Variants in SHISA6 observed in about 807,000 individuals in gnomAD.
SHISA6 encodes shisa family member 6, also known as protein shisa-6.
In SHISA6, 22 loss-of-function variants were observed where a neutral mutation model predicts 47.9. The observed-to-expected ratio is 0.46, with a 90% CI of 0.33 to 0.66. SHISA6 has a LOEUF of 0.66. Among genes scored for constraint, SHISA6 ranks in the 30% least tolerant of loss-of-function variants. The pLI is 0.02. For synonymous variants in SHISA6, 388 were observed against 337.8 expected, an observed-to-expected ratio of 1.15 and a Z score of -1.63; for missense variants, 680 against 764.6, an observed-to-expected ratio of 0.89 and a Z score of 1.30.
At chr17:11,245,396 A>G (rs997124443) in intron 1 of SHISA6, among the ~76,000 whole-genome samples, 1 of 152,018 alleles carries the variant, frequency 6.6e-6, no homozygotes, top group African/African-American at 2.4e-5. Flanking sequence ...CTATTTCCTG[A>G]CTGACTTCCG....
At chr17:11,280,269 A>C (rs1909074185) in intron 2 of SHISA6, among the ~76,000 whole-genome samples, 1 of 152,238 alleles carries the variant, frequency 6.6e-6, no homozygotes. Context: ...AAACAAATGC[A>C]ACAAATGATG....
chr17:11,271,883 C>T (rs1317045263), intron 2 of SHISA6, among the ~76,000 whole-genome samples: 6 of 152,098 alleles, frequency 3.9e-5, no homozygotes, highest in Non-Finnish European at 8.8e-5. Context: ...TCCCCTCCTG[C>T]GCCCTTCTCT....
intron 3 of SHISA6, among the ~76,000 whole-genome samples, chr17:11,541,942 A>T (rs1044494011): frequency 1.3e-5 from 2 of 152,220 alleles, no homozygotes; most frequent in Non-Finnish European, 2.9e-5. Context: ...TAAAGCAATT[A>T]TGAAGCTAGA....
intron 3 of SHISA6, among the ~76,000 whole-genome samples, chr17:11,434,204 C>T (rs1177135873): frequency 6.6e-6 from 1 of 151,904 alleles, no homozygotes; most frequent in East Asian, 1.9e-4. Flanking sequence ...GCTGGGATTA[C>T]AGATGCGTGC....
rs200004730 is a variant in SHISA6 at position 11,493,888 on chromosome 17, TCTAA to T, written c.896-58003_896-58000del. ...CACAAAGTCATTTTAAAATGAAAAC[TCTAA>T]CTAAATTCTGTTCTCCCTTCTATTT... On this transcript the variant is annotated intron_variant, in intron 3 of 5. Coordinates refer to ENST00000441885, the MANE Select transcript of SHISA6 (RefSeq NM_207386.4). 2.1e-3 allele frequency among the ~76,000 whole-genome samples: 321 copies of T among 150,488 alleles called. 1 individual carries two copies. The highest frequency in any genetic ancestry group is 6.6e-3 in the African/African-American group (272 of 41,074).
intron 2 of SHISA6, among the ~76,000 whole-genome samples, chr17:11,286,501 C>G (rs1302064928): frequency 6.6e-6 from 1 of 152,114 alleles, no homozygotes; most frequent in Non-Finnish European, 1.5e-5. Flanking sequence ...TGGCTTGTAC[C>G]TCTCGGTTGC....
intron 2 of SHISA6, among the ~76,000 whole-genome samples, chr17:11,283,029 G>A (rs1038370167): frequency 1.7e-4 from 26 of 152,178 alleles, no homozygotes; most frequent in African/African-American, 6.3e-4. Context: ...AAAGATCATT[G>A]AATTTGGAGC....
Position 11,460,935 on chromosome 17 carries a change from C to G in SHISA6, c.895+81426C>G, listed in dbSNP as rs187410985. On this transcript the variant is annotated intron_variant, in intron 3 of 5. Transcript: ENST00000441885. The stretch of plus-strand genomic sequence containing the variant: ...ATAATGAATGGATTGCAACTGGGAT[C>G]ACAAATGTGCTTACAACATAGAGGG... 4.7e-3 allele frequency among the ~76,000 whole-genome samples: 722 copies of G among 152,280 alleles called. 3 individuals are homozygous for G. The highest frequency in any genetic ancestry group is 8.0e-3 in the Non-Finnish European group (542 of 68,032).
At position 11,557,982 on chromosome 17, in the gene SHISA6, A is replaced by G; in HGVS notation, c.1334A>G (p.Gln445Arg). The G allele has an allele frequency of 6.4e-7, 1 of 1,551,536 alleles. No individual in the cohort carries two copies. Among genetic ancestry groups the G allele is most frequent in the East Asian group, 2.4e-5 (1 of 40,912 alleles). ...MPYDRILSDE[Q>R]LLSTERLHSQ... Reference sequence around the variant, plus strand: ...TACGACCGCATCCTGTCCGACGAGCAGCTGCTCTCCACGGAGCGCCTGCAC... The same window carrying G: ...TACGACCGCATCCTGTCCGACGAGCGGCTGCTCTCCACGGAGCGCCTGCAC... Residue 445 changes from glutamine to arginine, a missense_variant, in exon 6 of 6, where the codon CAG (glutamine) becomes CGG (arginine). Around this residue, in one of 2 missense-constraint regions of SHISA6, gnomAD observed 559 missense variants for 674.1 expected, o/e 0.83. Coordinates refer to ENST00000441885, the MANE Select transcript of SHISA6 (RefSeq NM_207386.4).
chr17:11,382,300 A>G (rs1913037951), intron 3 of SHISA6, among the ~76,000 whole-genome samples: 1 of 152,058 alleles, frequency 6.6e-6, no homozygotes, highest in Admixed American at 6.6e-5. Flanking sequence ...GCTGGTCTCA[A>G]ACTCCTGGCC....
intron 3 of SHISA6, among the ~76,000 whole-genome samples, chr17:11,536,973 A>C (rs2071793377): frequency 6.6e-6 from 1 of 152,200 alleles, no homozygotes; most frequent in Non-Finnish European, 1.5e-5. Flanking sequence ...GCTGTCCTGA[A>C]GACGCGGATC....
rs577779570 is a variant in SHISA6, at chr17:11,376,717, C to A, written c.800-2697C>A. ...TACAGAGAATGCAGATCATTCTAGA[C>A]CTTGACCCTGGGTCCAGCAGAAGAC... On this transcript the variant is annotated intron_variant, in intron 2 of 5. Coordinates refer to ENST00000441885, the MANE Select transcript of SHISA6 (RefSeq NM_207386.4). 7.2e-5 allele frequency among the ~76,000 whole-genome samples: 11 copies of A among 152,306 alleles called. 1 individual carries two copies. The South Asian group carries it at 2.3e-3, about 32-fold the overall frequency.
intron 2 of SHISA6, among the ~76,000 whole-genome samples, chr17:11,335,225 T>C (rs1440387179): frequency 3.3e-5 from 5 of 152,208 alleles, no homozygotes; most frequent in Admixed American, 6.5e-5. Context: ...GGAAGACTTA[T>C]CCCATATCGC....
At chr17:11,485,935 C>T (rs1424584178) in intron 3 of SHISA6, among the ~76,000 whole-genome samples, 1 of 152,176 alleles carries the variant, frequency 6.6e-6, no homozygotes, top group African/African-American at 2.4e-5. Context: ...GGAAATCTGG[C>T]TTCATTTCTC....
intron 2 of SHISA6, among the ~76,000 whole-genome samples, chr17:11,279,759 A>G (rs1030411834): frequency 1.3e-5 from 2 of 152,032 alleles, no homozygotes; most frequent in East Asian, 1.9e-4. Context: ...TTTTTTATCC[A>G]TAGCCGTAAG....
At chr17:11,487,293 A>G (rs1373159530) in intron 3 of SHISA6, among the ~76,000 whole-genome samples, 1 of 152,226 alleles carries the variant, frequency 6.6e-6, no homozygotes, top group Non-Finnish European at 1.5e-5. Context: ...CTCCTGCATC[A>G]GGCATCCAGG....
At chr17:11,259,005 A>G (rs1280400562) in intron 1 of SHISA6, among the ~76,000 whole-genome samples, 1 of 152,008 alleles carries the variant, frequency 6.6e-6, no homozygotes, top group East Asian at 1.9e-4. Context: ...GGATGGAAGG[A>G]TGAAGTCTTC....
chr17:11,532,990 A>C (rs763595261), intron 3 of SHISA6, among the ~76,000 whole-genome samples: 19 of 152,232 alleles, frequency 1.2e-4, no homozygotes, highest in Middle Eastern at 3.4e-3. Context: ...GCGTGAGTGT[A>C]AACAGCCACT....
At chr17:11,283,831 C>G (rs1240913001) in intron 2 of SHISA6, among the ~76,000 whole-genome samples, 3 of 152,186 alleles carry the variant, frequency 2.0e-5, no homozygotes, top group African/African-American at 7.2e-5. Context: ...AGAAACTTAT[C>G]TCTTATATTG....
Sources: allele counts gnomAD v4.1 joint callset (sites outside exome capture counted in the v4.1 genomes callset), GRCh38; gene constraint gnomAD v4.1.1; regional missense constraint gnomAD v4.1.1; transcripts MANE v1.5; gene names NCBI Gene and HGNC (gene_info 2026-07-23, HGNC 2026-07-21).